Variants in PDE4D observed in about 807,000 individuals in gnomAD.
PDE4D encodes the protein 3',5'-cyclic-AMP phosphodiesterase 4D.
In PDE4D, 24 loss-of-function variants were observed where a neutral mutation model predicts 87.4. The ratio of observed to expected loss-of-function variants is 0.27; its 90% CI spans 0.20 to 0.39. The LOEUF (loss-of-function observed/expected upper bound fraction) is 0.39. Among genes scored for constraint, PDE4D ranks in the 10% least tolerant of loss-of-function variants. PDE4D has a pLI of 1.00. For synonymous variants in PDE4D, 384 were observed against 383.2 expected, an observed-to-expected ratio of 1.00 and a Z score of -0.02; for missense variants, 714 against 1,041.0, an observed-to-expected ratio of 0.69 and a Z score of 4.32.
chr5:60,207,161 G>A (rs1422084954), intron 1 of PDE4D, among the ~76,000 whole-genome samples: 3 of 152,194 alleles, frequency 2.0e-5, no homozygotes, highest in Non-Finnish European at 2.9e-5. Context: ...GGGCAGACTA[G>A]TAAACGGGTG....
At chr5:60,098,220 T>C (rs937652653) in intron 2 of PDE4D, among the ~76,000 whole-genome samples, 1 of 151,960 alleles carries the variant, frequency 6.6e-6, no homozygotes, top group African/African-American at 2.4e-5. Flanking sequence ...GAATAAGTTC[T>C]AGCATTAGAT....
intron 1 of PDE4D, among the ~76,000 whole-genome samples, chr5:59,562,590 T>C (rs1309841994): frequency 6.6e-6 from 1 of 152,208 alleles, no homozygotes; most frequent in Non-Finnish European, 1.5e-5. Context: ...ATAATGCTAG[T>C]TTCAAAATCT....
intron 1 of PDE4D, among the ~76,000 whole-genome samples, chr5:60,456,458 T>C (rs752358073): frequency 2.8e-4 from 43 of 152,350 alleles, no homozygotes; most frequent in Non-Finnish European, 3.8e-4. Context: ...CTGAATAGTA[T>C]TTGGTTGTGC....
intron 1 of PDE4D, among the ~76,000 whole-genome samples, chr5:59,755,987 C>T (rs1017692040): frequency 1.3e-5 from 2 of 151,188 alleles, no homozygotes; most frequent in South Asian, 2.1e-4. Flanking sequence ...CAAATTACTG[C>T]AATTTAAAAA....
intron 1 of PDE4D, among the ~76,000 whole-genome samples, chr5:60,500,886 T>C (rs1246601944): frequency 1.3e-5 from 2 of 152,312 alleles, no homozygotes; most frequent in Admixed American, 1.3e-4. Flanking sequence ...AGGACTGATA[T>C]AATTAACTCC....
intron 1 of PDE4D, among the ~76,000 whole-genome samples, chr5:59,815,277 T>G (rs906534811): frequency 6.6e-6 from 1 of 152,220 alleles, no homozygotes; most frequent in Non-Finnish European, 1.5e-5. Flanking sequence ...TATTTCATAG[T>G]TGATTTTAGT....
At chr5:60,148,485 G>C (rs1781214986) in intron 2 of PDE4D, among the ~76,000 whole-genome samples, 1 of 152,094 alleles carries the variant, frequency 6.6e-6, no homozygotes, top group Non-Finnish European at 1.5e-5. Context: ...TTTATGTAAG[G>C]AACTTAAGCA....
intron 5 of PDE4D, among the ~76,000 whole-genome samples, chr5:59,099,059 A>G (rs983395820): frequency 1.3e-5 from 2 of 152,224 alleles, no homozygotes; most frequent in African/African-American, 4.8e-5. Context: ...CAATATAATT[A>G]AGATTCAGTC....
At chr5:59,756,942 C>T (rs1761332021) in intron 1 of PDE4D, among the ~76,000 whole-genome samples, 1 of 151,694 alleles carries the variant, frequency 6.6e-6, no homozygotes. Flanking sequence ...GGATTACAGG[C>T]ATGCACCACC....
intron 1 of PDE4D, among the ~76,000 whole-genome samples, chr5:59,739,499 A>G (rs1037548199): frequency 9.2e-5 from 14 of 152,340 alleles, no homozygotes; most frequent in Admixed American, 2.6e-4. Context: ...ACAATTCACA[A>G]TAGAAAATTC....
intron 1 of PDE4D, among the ~76,000 whole-genome samples, chr5:59,573,734 A>T (rs1822271551): frequency 6.6e-6 from 1 of 151,414 alleles, no homozygotes; most frequent in Non-Finnish European, 1.5e-5. Context: ...GCAGTGACTC[A>T]CTCCTGTAAT....
chr5:59,173,939 C>T (rs561636077), intron 5 of PDE4D, among the ~76,000 whole-genome samples: 1 of 152,122 alleles, frequency 6.6e-6, no homozygotes, highest in Admixed American at 6.5e-5. Flanking sequence ...TTTTAAAAAA[C>T]TATATATACT....
At chr5:59,015,927 T>C (rs1753857216) in intron 6 of PDE4D, among the ~76,000 whole-genome samples, 1 of 152,150 alleles carries the variant, frequency 6.6e-6, no homozygotes, top group Non-Finnish European at 1.5e-5. Context: ...ATACACACCA[T>C]GGAATACTAT....
rs1232972695 is a variant in PDE4D at position 60,520,745 on chromosome 5, C to T, written n.70+1306G>A. On this transcript the variant is annotated intron_variant and non_coding_transcript_variant, in intron 1 of 2. Transcript: ENST00000506510. ...ACCATGTTAGGAAGACACCTGCTGG[C>T]CCACGGCCCTGGCCCAGGAGGCCCC... is the stretch of plus-strand genomic sequence containing the variant. 7.2e-5 allele frequency among the ~76,000 whole-genome samples: 11 copies of T among 152,352 alleles called. No individual in the cohort carries two copies. In the East Asian group the frequency reaches 9.6e-4, roughly 13 times the overall value.
At chr5:59,158,702 T>A (rs1245028192) in intron 5 of PDE4D, among the ~76,000 whole-genome samples, 1 of 152,186 alleles carries the variant, frequency 6.6e-6, no homozygotes, top group Non-Finnish European at 1.5e-5. Flanking sequence ...TACTATTTAA[T>A]CCAATATCAT....
intron 5 of PDE4D, chr5:59,039,218 G>C: frequency 7.8e-7 from 1 of 1,279,842 alleles, no homozygotes; most frequent in African/African-American, 1.6e-5. Flanking sequence ...TCCAGGGAGG[G>C]CGTGCAAAGA....
intron 1 of PDE4D, among the ~76,000 whole-genome samples, chr5:59,861,026 A>ATTTTTT (rs33992679): frequency 7.4e-6 from 1 of 134,966 alleles, no homozygotes. Flanking sequence ...CACCTAGATA[A>ATTTTTT]TTTTTTTTTT....
intron 1 of PDE4D, among the ~76,000 whole-genome samples, chr5:60,279,380 T>G (rs575779729): frequency 6.6e-6 from 1 of 152,268 alleles, no homozygotes; most frequent in Non-Finnish European, 1.5e-5. Flanking sequence ...TGGAGCTCAG[T>G]GATGATAAAA....
At chr5:60,107,847 T>C (rs1383789055) in intron 2 of PDE4D, among the ~76,000 whole-genome samples, 1 of 152,170 alleles carries the variant, frequency 6.6e-6, no homozygotes, top group Non-Finnish European at 1.5e-5. Flanking sequence ...TAGGTATTGA[T>C]GGGACGTATC....
Sources: gnomAD v4.1 joint callset for allele counts (sites outside exome capture counted in the v4.1 genomes callset) on GRCh38, gnomAD v4.1.1 for gene constraint, MANE v1.5 for transcripts, NCBI Gene and HGNC (gene_info 2026-07-23, HGNC 2026-07-21) for gene names.